Variants in SYNRG observed in about 807,000 individuals in gnomAD.
The protein encoded by SYNRG is synergin gamma.
In SYNRG, 37 loss-of-function variants were observed where a neutral mutation model predicts 130.9. The observed-to-expected ratio is 0.28, with a 90% CI of 0.22 to 0.37. SYNRG has a LOEUF of 0.37. Among genes scored for constraint, SYNRG ranks in the 10% least tolerant of loss-of-function variants. The pLI is 1.00. For synonymous variants in SYNRG, 539 were observed against 568.1 expected (o/e 0.95, Z 0.73); for missense variants, 1,338 against 1,588.9 (o/e 0.84, Z 2.68).
intron 1 of SYNRG, among the ~76,000 whole-genome samples, chr17:37,602,756 G>A (rs1335978205): frequency 1.3e-5 from 2 of 152,338 alleles, no homozygotes; most frequent in Middle Eastern, 3.4e-3. Flanking sequence ...AGATGAGGTG[G>A]TGCATGCCTG....
Position 37,516,975 on chromosome 17 carries a change from T to G in SYNRG, c.*1965A>C, listed in dbSNP as rs2054473655. 6.6e-6 allele frequency: 1 copy of G among 152,268 alleles called. No individual in the cohort carries two copies. The highest frequency in any genetic ancestry group is 2.1e-4 in the South Asian group (1 of 4,832). 9.4% of individuals were successfully genotyped at this position (152,268 alleles called of 1,614,324 possible). Reference sequence around the variant, plus strand: ...TGGCTCACGCCTGTAATCCCGGTACTTTGGGAGGCTGAGGCGGGCGGATCG... The same window carrying G: ...TGGCTCACGCCTGTAATCCCGGTACGTTGGGAGGCTGAGGCGGGCGGATCG... On this transcript the variant is annotated 3_prime_UTR_variant, in exon 22 of 22. Transcript: ENST00000612223.
At chr17:37,575,661 C>T (rs140952218) in intron 8 of SYNRG, among the ~76,000 whole-genome samples, 484 of 151,550 alleles carry the variant, frequency 3.2e-3, no homozygotes, top group African/African-American at 0.011. Flanking sequence ...AGCAACATGA[C>T]GAGACCCCGT....
intron 3 of SYNRG, among the ~76,000 whole-genome samples, chr17:37,594,618 C>T (rs1371072630): frequency 3.9e-5 from 6 of 151,950 alleles, no homozygotes; most frequent in African/African-American, 1.5e-4. Flanking sequence ...TGCACCACCA[C>T]GCCCGGCTAA....
At chr17:37,559,756 G>C (rs1345200545) in intron 13 of SYNRG, among the ~76,000 whole-genome samples, 1 of 152,182 alleles carries the variant, frequency 6.6e-6, no homozygotes. Flanking sequence ...ACTTCAAGCA[G>C]TGTAGTTTGA....
At chr17:37,547,304 G>A (rs958669523) in intron 14 of SYNRG, among the ~76,000 whole-genome samples, 1 of 152,174 alleles carries the variant, frequency 6.6e-6, no homozygotes, top group Non-Finnish European at 1.5e-5. Flanking sequence ...GATACACAGT[G>A]GGACTGCCCC....
intron 19 of SYNRG, among the ~76,000 whole-genome samples, chr17:37,527,246 G>A (rs1598084856): frequency 6.6e-6 from 1 of 152,102 alleles, no homozygotes; most frequent in South Asian, 2.1e-4. Context: ...GGCAAAAATC[G>A]ATTAATTTTC....
At chr17:37,575,166 G>C (rs1054126835) in intron 8 of SYNRG, among the ~76,000 whole-genome samples, 17 of 151,958 alleles carry the variant, frequency 1.1e-4, no homozygotes, top group African/African-American at 1.9e-4. Flanking sequence ...GGTAGTGGTG[G>C]GGGGGAATAA....
chr17:37,586,651 T>TA, intron 3 of SYNRG, 102 bp from the exon 4 acceptor site: 1 of 1,313,634 alleles, frequency 7.6e-7, no homozygotes, highest in Non-Finnish European at 1.0e-6. Flanking sequence ...CTCTTATTTG[T>TA]AAAAAATAGA....
chr17:37,517,720 GC>G lies in SYNRG; in HGVS notation c.*1219del, dbSNP rs1403951030. The stretch of plus-strand genomic sequence containing the variant: ...GAGGGTCTAAACCACACAAAGTAAA[GC>G]ACACGAGATTGAAAAATCTCTTCAT... On this transcript the variant is annotated 3_prime_UTR_variant, in exon 22 of 22. Coordinates refer to ENST00000612223, the MANE Select transcript of SYNRG (RefSeq NM_007247.6). The G allele has an allele frequency of 4.6e-5, 7 of 152,154 alleles. No homozygotes were observed. The highest frequency in any genetic ancestry group is 3.9e-4 in the Admixed American group (6 of 15,272). 9.4% of individuals were successfully genotyped at this position (152,154 alleles called of 1,614,324 possible).
chr17:37,580,537 C>T (rs1195564338), intron 6 of SYNRG, among the ~76,000 whole-genome samples: 1 of 97,986 alleles, frequency 1.0e-5, no homozygotes, highest in Non-Finnish European at 2.1e-5. Flanking sequence ...GAGAGAGAGA[C>T]GGAGTCTTGC....
intron 3 of SYNRG, among the ~76,000 whole-genome samples, chr17:37,595,639 A>C (rs935130301): frequency 1.3e-5 from 2 of 152,228 alleles, no homozygotes; most frequent in African/African-American, 4.8e-5. Flanking sequence ...CCTGAATCTA[A>C]AATATAAGTT....
chr17:37,525,934 C>G (rs1256826664), intron 19 of SYNRG, among the ~76,000 whole-genome samples: 2 of 152,218 alleles, frequency 1.3e-5, no homozygotes, highest in African/African-American at 4.8e-5. Context: ...CCATTGCACT[C>G]CAGCCTGGGC....
intron 14 of SYNRG, among the ~76,000 whole-genome samples, chr17:37,545,328 G>A (rs977757665): frequency 8.6e-5 from 13 of 151,732 alleles, no homozygotes; most frequent in Admixed American, 4.6e-4. Flanking sequence ...TAAGGGAATC[G>A]GAGATTGCAG....
chr17:37,539,098 T>C (rs914367559), intron 17 of SYNRG, 94 bp downstream of exon 17: 3 of 1,574,802 alleles, frequency 1.9e-6, no homozygotes, highest in Non-Finnish European at 2.6e-6. Flanking sequence ...AAGGCTCTCC[T>C]GAAGTTTGCC....
intron 18 of SYNRG, among the ~76,000 whole-genome samples, chr17:37,537,796 A>C (rs1349118423): frequency 1.3e-5 from 2 of 152,216 alleles, no homozygotes; most frequent in Non-Finnish European, 2.9e-5. Flanking sequence ...TCAGAAGCTG[A>C]CATTTGAGTA....
At chr17:37,583,728 T>C (rs2061497363) in intron 6 of SYNRG, among the ~76,000 whole-genome samples, 2 of 152,332 alleles carry the variant, frequency 1.3e-5, no homozygotes, top group Admixed American at 1.3e-4. Context: ...AGTCTTGCTC[T>C]GATGCCTAAG....
At chr17:37,575,164 T>TG (rs1321746733) in intron 8 of SYNRG, among the ~76,000 whole-genome samples, 6 of 149,860 alleles carry the variant, frequency 4.0e-5, no homozygotes, top group South Asian at 2.1e-4. Flanking sequence ...AGGGTAGTGG[T>TG]GGGGGGGAAT....
rs2061546472 is a variant in SYNRG, at chr17:37,584,453, T to C, written c.589+195A>G. 9.0e-6 allele frequency: 4 copies of C among 445,790 alleles called. No individual in the cohort carries two copies. In the South Asian group the frequency reaches 2.1e-4, roughly 24 times the overall value. The allele number at this position is 445,790 out of a possible 1,614,324, so 27.6% of individuals were successfully genotyped here. The stretch of plus-strand genomic sequence containing the variant: ...TTAATTAGAAGACAAAGAGGTTTTT[T>C]CCTCCCAAGACAGTTGTTATCCAGA... On this transcript the variant is annotated intron_variant, in intron 6 of 21. Coordinates refer to ENST00000612223, the MANE Select transcript of SYNRG (RefSeq NM_007247.6).
At chr17:37,567,431 CT>C (rs1251237791) in intron 11 of SYNRG, 3 of 152,280 alleles carry the variant, frequency 2.0e-5, no homozygotes, top group African/African-American at 7.2e-5. Context: ...TTTGAGGTGC[CT>C]TGACTCATTC....
Sources: gnomAD v4.1 joint callset for allele counts (sites outside exome capture counted in the v4.1 genomes callset) on GRCh38, gnomAD v4.1.1 for gene constraint, MANE v1.5 for transcripts, NCBI Gene and HGNC (gene_info 2026-07-23, HGNC 2026-07-21) for gene names.